Variants in FHIP2A observed in about 807,000 individuals in gnomAD.
FHIP2A encodes FHF complex subunit HOOK interacting protein 2A.
FHIP2A carries 46 observed loss-of-function variants against 93.5 expected under a neutral mutation model. The observed-to-expected ratio is 0.49, with a 90% CI of 0.39 to 0.63. FHIP2A has a LOEUF of 0.63. Among genes scored for constraint, FHIP2A ranks in the 20% least tolerant of loss-of-function variants. The pLI is 0.00. For missense variants in FHIP2A, 769 were observed against 909.7 expected (o/e 0.85, Z 1.99); for synonymous variants, 332 against 326.5 (o/e 1.02, Z -0.18).
At chr10:114,851,399 A>G (rs1034579102) in intron 13 of FHIP2A, among the ~76,000 whole-genome samples, 1 of 152,136 alleles carries the variant, frequency 6.6e-6, no homozygotes, top group Non-Finnish European at 1.5e-5. Flanking sequence ...TATTGTATAT[A>G]GTGTGAGGTG....
intron 1 of FHIP2A, among the ~76,000 whole-genome samples, chr10:114,826,106 A>G (rs543768340): frequency 2.6e-5 from 4 of 152,354 alleles, no homozygotes; most frequent in East Asian, 3.9e-4. Context: ...TTTTCCAACA[A>G]GTGATCTCTA....
At chr10:114,894,299 C>T (rs2083989620) in intron 16 of FHIP2A, among the ~76,000 whole-genome samples, 1 of 151,340 alleles carries the variant, frequency 6.6e-6, no homozygotes, top group Admixed American at 6.6e-5. Flanking sequence ...TGGCTCACGC[C>T]TGTAATCCCA....
chr10:114,885,679 T>G (rs530246332), intron 16 of FHIP2A, among the ~76,000 whole-genome samples: 1 of 152,352 alleles, frequency 6.6e-6, no homozygotes, highest in African/African-American at 2.4e-5. Context: ...TCACCCCACC[T>G]AATCAGTCCA....
At chr10:114,875,016 C>T (rs551336633) in intron 16 of FHIP2A, among the ~76,000 whole-genome samples, 1 of 152,326 alleles carries the variant, frequency 6.6e-6, no homozygotes, top group South Asian at 2.1e-4. Flanking sequence ...GGGCAGCGCT[C>T]GTGCATCTTC....
Position 114,862,888 on chromosome 10 carries a change from C to A in FHIP2A, c.*1348C>A, listed in dbSNP as rs2083808757. ...GCTTGAAGGGAACTGTCACTACCCC[C>A]TCTAGGAAGTTATTTTATGTAGCAT... On this transcript the variant is annotated 3_prime_UTR_variant, in exon 17 of 17. Transcript: ENST00000369248. 8.1e-6 allele frequency: 8 copies of A among 985,434 alleles called. No homozygotes were observed. Among genetic ancestry groups the A allele is most frequent in the Non-Finnish European group, 9.6e-6 (8 of 829,930 alleles). 61.0% of individuals were successfully genotyped at this position (985,434 alleles called of 1,614,324 possible). A position where few individuals can be genotyped will look rare whatever the true frequency, so the allele number is the denominator to read the frequency against.
At position 114,833,382 on chromosome 10, in the gene FHIP2A, T is replaced by C; in HGVS notation, c.274T>C (p.Tyr92His). The C allele has an allele frequency of 1.9e-6, 3 of 1,613,974 alleles. No homozygotes were observed. Among genetic ancestry groups the C allele is most frequent in the East Asian group, 2.2e-5 (1 of 44,840 alleles). The change falls in exon 3 of 17, where the codon TAT becomes CAT. Residue 92 changes from tyrosine to histidine, a missense_variant. By Grantham distance (83) the Tyr-to-His change is moderately conservative (BLOSUM62 2). Coordinates refer to ENST00000369248, the MANE Select transcript of FHIP2A (RefSeq NM_020940.4). Reference protein sequence around the residue: ...LLHHKILETLYTLGKADCPPG... With the variant: ...LLHHKILETLHTLGKADCPPG... ...TCATCACAAGATCTTGGAAACATTA[T>C]ATACCTTGGGGAAAGCTGATGTAAG...
At chr10:114,856,047 T>C (rs73367376) in intron 14 of FHIP2A, among the ~76,000 whole-genome samples, 1 of 152,194 alleles carries the variant, frequency 6.6e-6, no homozygotes, top group Non-Finnish European at 1.5e-5. Flanking sequence ...CTTTCCTCAG[T>C]GTGGAAACTG....
chr10:114,846,515 T>C (rs756884178), intron 10 of FHIP2A, 44 bp from the exon 11 acceptor site: 7 of 1,525,028 alleles, frequency 4.6e-6, no homozygotes, highest in South Asian at 2.6e-5. Context: ...GAGTAACTTA[T>C]GTAAAGACAT....
intron 13 of FHIP2A, among the ~76,000 whole-genome samples, chr10:114,853,860 CTGGT>C (rs2083750783): frequency 6.6e-6 from 1 of 151,890 alleles, no homozygotes; most frequent in African/African-American, 2.4e-5. Flanking sequence ...TTAGCTGGAC[CTGGT>C]GGCTCATGCC....
At chr10:114,883,038 G>A (rs2083924848) in intron 16 of FHIP2A, among the ~76,000 whole-genome samples, 3 of 152,126 alleles carry the variant, frequency 2.0e-5, no homozygotes, top group Admixed American at 2.0e-4. Context: ...TTGTGACAGG[G>A]TAGGATGCTG....
At chr10:114,839,109 G>A (rs1216017570) in intron 5 of FHIP2A, among the ~76,000 whole-genome samples, 1 of 151,944 alleles carries the variant, frequency 6.6e-6, no homozygotes, top group Non-Finnish European at 1.5e-5. Context: ...GAATCTTTAG[G>A]GAGACGCAGC....
chr10:114,854,330 T>C (rs2083754226), intron 13 of FHIP2A, among the ~76,000 whole-genome samples: 1 of 152,020 alleles, frequency 6.6e-6, no homozygotes, highest in African/African-American at 2.4e-5. Context: ...CCATCTCTAC[T>C]AAAAATACAA....
intron 16 of FHIP2A, among the ~76,000 whole-genome samples, chr10:114,880,532 T>C (rs142388761): frequency 3.9e-5 from 6 of 152,056 alleles, no homozygotes; most frequent in African/African-American, 1.4e-4. Flanking sequence ...TACAAAAAAA[T>C]AGCCAGGTGT....
downstream of FHIP2A, among the ~76,000 whole-genome samples, chr10:114,866,288 A>T (rs2083828945): frequency 6.6e-6 from 1 of 152,212 alleles, no homozygotes; most frequent in Non-Finnish European, 1.5e-5. Context: ...CCTGCAAAGG[A>T]CATGATCTCC....
At chr10:114,861,139 A>T (rs867941723) in intron 15 of FHIP2A, 92 bp from the exon 16 acceptor site, 1 of 1,515,472 alleles carries the variant, frequency 6.6e-7, no homozygotes, top group Middle Eastern at 1.9e-4. Flanking sequence ...TTCTTTATTA[A>T]ATAGTAGGGA....
chr10:114,887,068 A>C (rs11196962), intron 16 of FHIP2A, among the ~76,000 whole-genome samples: 64,282 of 152,030 alleles, frequency 0.42, 13,680 homozygotes, highest in South Asian at 0.48. Context: ...TGCATTTCCT[A>C]CCACTGCCAG....
intron 7 of FHIP2A, among the ~76,000 whole-genome samples, chr10:114,845,087 A>G (rs1162138306): frequency 1.3e-5 from 2 of 152,014 alleles, no homozygotes; most frequent in Non-Finnish European, 2.9e-5. Flanking sequence ...CTGGTATTAC[A>G]GGCATGAGCC....
intron 16 of FHIP2A, among the ~76,000 whole-genome samples, chr10:114,893,777 G>A (rs766570987): frequency 2.2e-4 from 34 of 151,958 alleles, no homozygotes; most frequent in Non-Finnish European, 2.8e-4. Flanking sequence ...ACATATATAC[G>A]AACATAGAAT....
At chr10:114,886,431 A>AG (rs1048545540) in intron 16 of FHIP2A, among the ~76,000 whole-genome samples, 18 of 152,224 alleles carry the variant, frequency 1.2e-4, no homozygotes, top group African/African-American at 4.1e-4. Flanking sequence ...AGAAAAAAAA[A>AG]CAGAAACAGT....
Sources: gnomAD v4.1 joint callset for allele counts (sites outside exome capture counted in the v4.1 genomes callset) on GRCh38, gnomAD v4.1.1 for gene constraint, MANE v1.5 for transcripts, NCBI Gene and HGNC (gene_info 2026-07-23, HGNC 2026-07-21) for gene names.